Variants in RALGAPA1 observed in about 807,000 individuals in gnomAD.
RALGAPA1 encodes the protein Ral GTPase activating protein catalytic subunit alpha 1.
A neutral mutation model predicts 269.6 loss-of-function variants in RALGAPA1; 52 were observed. The observed-to-expected ratio is 0.19, with a 90% CI of 0.15 to 0.24. The LOEUF (loss-of-function observed/expected upper bound fraction) is 0.24, where lower values mean the gene tolerates loss of function less well. Among genes scored for constraint, RALGAPA1 ranks in the 10% least tolerant of loss-of-function variants. The pLI is 1.00. For synonymous variants in RALGAPA1, 817 were observed against 1,008.3 expected (o/e 0.81, Z 3.60); for missense variants, 1,917 against 3,013.9 (o/e 0.64, Z 8.52).
intron 1 of RALGAPA1, among the ~76,000 whole-genome samples, chr14:35,790,630 G>A (rs1304355575): frequency 6.7e-6 from 1 of 149,870 alleles, no homozygotes; most frequent in African/African-American, 2.5e-5. Context: ...GGAGACTGCA[G>A]TGAGCCTAGA....
intron 1 of RALGAPA1, among the ~76,000 whole-genome samples, chr14:35,776,235 G>T (rs1224484176): frequency 6.6e-6 from 1 of 152,030 alleles, no homozygotes; most frequent in East Asian, 1.9e-4. Context: ...ACAAAAATCA[G>T]CTGGGTGTGG....
At chr14:35,724,118 C>T (rs1392669016) in intron 14 of RALGAPA1, among the ~76,000 whole-genome samples, 4 of 152,056 alleles carry the variant, frequency 2.6e-5, no homozygotes, top group Non-Finnish European at 5.9e-5. Flanking sequence ...AAAGTTGTTT[C>T]ACATAGCAAG....
chr14:35,604,506 T>A (rs887529598), intron 36 of RALGAPA1, among the ~76,000 whole-genome samples: 1 of 151,644 alleles, frequency 6.6e-6, no homozygotes, highest in Non-Finnish European at 1.5e-5. Context: ...GGCTGACATA[T>A]CAGACACTGT....
In RALGAPA1 at chr14:35,624,185, A is replaced by G. The variant is rs1382716848; in HGVS notation, c.6929+1176T>C. 2.0e-5 allele frequency among the ~76,000 whole-genome samples: 3 copies of G among 148,496 alleles called. No homozygotes were observed. In the East Asian group the frequency reaches 6.0e-4, roughly 30 times the overall value. On this transcript the variant is annotated intron_variant, in intron 35 of 41. Transcript: ENST00000680220. ...AAAAAAAAAAAAAAACAACTTGGTA[A>G]TATCCCTATGATTCCAGTTCCGTAA...
chr14:35,773,855 T>C (rs2074816316), intron 3 of RALGAPA1, among the ~76,000 whole-genome samples: 1 of 152,024 alleles, frequency 6.6e-6, no homozygotes, highest in South Asian at 2.1e-4. Context: ...CTAAGAGACA[T>C]ATAAATGAGG....
At chr14:35,765,770 A>G in intron 4 of RALGAPA1, 1 of 427,156 alleles carries the variant, frequency 2.3e-6, no homozygotes, top group South Asian at 2.4e-5. Context: ...GGCTGGGATT[A>G]CAGGCGTGAG....
chr14:35,674,685 C>G lies in RALGAPA1; in HGVS notation c.4649G>C (p.Cys1550Ser). The G allele has an allele frequency of 6.5e-7, 1 of 1,544,398 alleles. No homozygotes were observed. Among genetic ancestry groups the G allele is most frequent in the South Asian group, 1.2e-5 (1 of 84,784 alleles). The change falls in exon 23 of 42, where the codon TGT becomes TCT. Residue 1550 changes from cysteine (C) to serine (S), a missense_variant. Cys to Ser is a moderately radical substitution (Grantham distance 112, BLOSUM62 -1). Coordinates refer to ENST00000680220, the MANE Select transcript of RALGAPA1 (RefSeq NM_001346249.2). ...AGTACCTCCTGCCATCACACTACAA[C>G]ATTCTGATGGAAATTCACTAATTTC... ...DLEISEFPSE[C>S]CSVMAGGTLT...
intron 39 of RALGAPA1, among the ~76,000 whole-genome samples, chr14:35,570,161 T>C (rs1193844779): frequency 6.6e-6 from 1 of 151,662 alleles, no homozygotes; most frequent in Non-Finnish European, 1.5e-5. Flanking sequence ...TCCCAGCTAA[T>C]TGGGAAGCTG....
At chr14:35,654,028 G>A (rs1292861641) in intron 30 of RALGAPA1, among the ~76,000 whole-genome samples, 1 of 152,118 alleles carries the variant, frequency 6.6e-6, no homozygotes, top group Non-Finnish European at 1.5e-5. Flanking sequence ...TGTTGAGCCA[G>A]GGTCTTGCTA....
At chr14:35,622,471 AC>A (rs756638060) in intron 35 of RALGAPA1, among the ~76,000 whole-genome samples, 2 of 152,226 alleles carry the variant, frequency 1.3e-5, no homozygotes, top group Non-Finnish European at 2.9e-5. Flanking sequence ...TATGTAACAA[AC>A]CTGCACGTTG....
chr14:35,641,187 C>A (rs1184279542), intron 31 of RALGAPA1, among the ~76,000 whole-genome samples: 11 of 152,092 alleles, frequency 7.2e-5, no homozygotes. Context: ...TAGAACAAGA[C>A]AAAGGTGTCC....
intron 25 of RALGAPA1, among the ~76,000 whole-genome samples, chr14:35,671,737 C>T (rs555495975): frequency 1.3e-5 from 2 of 152,260 alleles, no homozygotes; most frequent in Admixed American, 6.5e-5. Context: ...ATTTAACTGG[C>T]ATAAATAACA....
rs184038909 is a variant in RALGAPA1 at position 35,598,346 on chromosome 14, T to C, written c.7054-2557A>G. Among the ~76,000 whole-genome samples, 237 of 152,062 alleles carry C rather than the reference T, an allele frequency of 1.6e-3. 3 individuals carry two copies. Among genetic ancestry groups the C allele is most frequent in the South Asian group, 5.2e-3 (25 of 4,822 alleles). On this transcript the variant is annotated intron_variant, in intron 36 of 41. Coordinates refer to ENST00000680220, the MANE Select transcript of RALGAPA1 (RefSeq NM_001346249.2). ...GTCACTCTGGCTTTTCTTTGATTGATGTTTGCACAATATAACTTTTTCTAT... is the reference window on the plus strand; with the variant it reads ...GTCACTCTGGCTTTTCTTTGATTGACGTTTGCACAATATAACTTTTTCTAT...
At chr14:35,604,438 G>GA (rs1285326574) in intron 36 of RALGAPA1, among the ~76,000 whole-genome samples, 13 of 150,352 alleles carry the variant, frequency 8.6e-5, no homozygotes, top group Non-Finnish European at 1.3e-4. Context: ...GTATCCCAAG[G>GA]AAAAAATAAT....
rs959010787 is a variant in RALGAPA1, at chr14:35,688,578, T to C, written c.3833A>G (p.His1278Arg). The C allele has an allele frequency of 6.5e-6, 10 of 1,535,956 alleles. No homozygotes were observed. The highest frequency in any genetic ancestry group is 3.6e-5 in the South Asian group (3 of 84,068). The change falls in exon 18 of 42, where the codon CAT (histidine) becomes CGT (arginine). Residue 1278 changes from histidine to arginine, a missense_variant. His to Arg is a conservative substitution (Grantham distance 29). Transcript: ENST00000680220. ...SLGGVYKTVV[H>R]ALSKPKANVS... is the part of the protein sequence containing the mutation. ...ATTTGCCTTCGGCTTCGAAAGAGCA[T>C]GTACAACAGTTTTATAAACGCCACC... is the stretch of plus-strand genomic sequence containing the variant.
intron 1 of RALGAPA1, among the ~76,000 whole-genome samples, chr14:35,803,285 G>T (rs2077108956): frequency 1.3e-5 from 2 of 152,058 alleles, no homozygotes; most frequent in Admixed American, 1.3e-4. Flanking sequence ...GGAACAACTG[G>T]ATATTCACAT....
chr14:35,692,794 C>T (rs558269697), intron 17 of RALGAPA1, among the ~76,000 whole-genome samples: 1 of 152,014 alleles, frequency 6.6e-6, no homozygotes, highest in South Asian at 2.1e-4. Flanking sequence ...ACAAATGGCA[C>T]TTGAATTGAG....
At chr14:35,556,250 T>C (rs1397389935) in intron 39 of RALGAPA1, among the ~76,000 whole-genome samples, 4 of 152,156 alleles carry the variant, frequency 2.6e-5, no homozygotes, top group Non-Finnish European at 1.5e-5. Flanking sequence ...GGTAGTAAAG[T>C]AGCAAATTTT....
In RALGAPA1 at chr14:35,688,564, G is replaced by A. The variant is rs981994051; in HGVS notation, c.3847C>T (p.Pro1283Ser). ...YKTVVHALSKPKANVSPQRQN... is the reference protein window; with the variant it reads ...YKTVVHALSKSKANVSPQRQN... Reference sequence around the variant, plus strand: ...CTCTGTGGGGAAACATTTGCCTTCGGCTTCGAAAGAGCATGTACAACAGTT... The same window carrying A: ...CTCTGTGGGGAAACATTTGCCTTCGACTTCGAAAGAGCATGTACAACAGTT... Residue 1283 changes from proline (P) to serine (S), a missense_variant, in exon 18 of 42, where the codon CCG becomes TCG. By Grantham distance (74) the Pro-to-Ser change is moderately conservative (BLOSUM62 -1). This residue lies in a region of RALGAPA1 where 615 missense variants were observed against 790.0 expected (regional missense o/e 0.78). Transcript: ENST00000680220. The A allele has an allele frequency of 2.5e-5, 38 of 1,535,972 alleles. No individual in the cohort carries two copies. The African/African-American group carries it at 4.8e-4, about 19-fold the overall frequency.
Sources: gnomAD v4.1 joint callset for allele counts (sites outside exome capture counted in the v4.1 genomes callset) on GRCh38, gnomAD v4.1.1 for gene constraint, gnomAD v4.1.1 regional missense constraint, MANE v1.5 for transcripts, NCBI Gene and HGNC (gene_info 2026-07-23, HGNC 2026-07-21) for gene names.